The following TTLL4 variants were observed in gnomAD, a reference collection of about 807,000 sequenced individuals.
TTLL4 encodes the protein tubulin monoglutamylase TTLL4.
A neutral mutation model predicts 122.7 loss-of-function variants in TTLL4; 85 were observed. The ratio of observed to expected loss-of-function variants is 0.69; its 90% CI spans 0.58 to 0.83. The LOEUF (loss-of-function observed/expected upper bound fraction) is 0.83. Among genes scored for constraint, TTLL4 ranks in the 40% least tolerant of loss-of-function variants. The probability of loss-of-function intolerance (pLI) is 0.00; values close to 1 mark genes in which losing one functional copy is unlikely to be tolerated. For synonymous variants in TTLL4, 553 were observed against 563.0 expected (o/e 0.98, Z 0.25); for missense variants, 1,363 against 1,488.6 (o/e 0.92, Z 1.39).
At chr2:218,749,920 AGT>A in intron 14 of TTLL4, 87 bp from the exon 15 acceptor site, 1 of 1,513,672 alleles carries the variant, frequency 6.6e-7, no homozygotes, top group Non-Finnish European at 8.9e-7. Context: ...GAAGCCAGGA[AGT>A]AAATGAGACT....
At chr2:218,739,917 A>G in intron 3 of TTLL4, 141 bp from the exon 4 acceptor site, 3 of 699,678 alleles carry the variant, frequency 4.3e-6, no homozygotes, top group Admixed American at 2.8e-5. Flanking sequence ...GACAAAAGAA[A>G]TGAGTTGTGA....
At chr2:218,739,957 T>C (rs1183770335) in intron 3 of TTLL4, 101 bp from the exon 4 acceptor site, 6 of 1,086,586 alleles carry the variant, frequency 5.5e-6, no homozygotes, top group Admixed American at 4.3e-5. Flanking sequence ...AGATTGGTAA[T>C]GGAGAAGGGG....
intron 6 of TTLL4, 87 bp from the exon 7 acceptor site, chr2:218,745,604 G>T: frequency 1.1e-6 from 1 of 912,440 alleles, no homozygotes; most frequent in Non-Finnish European, 1.7e-6. Flanking sequence ...GGGAAGAATG[G>T]GCAGCCATGC....
Position 218,752,765 on chromosome 2 carries a change from C to T in TTLL4, c.2979C>T (p.Asp993=), listed in dbSNP as rs1216535782. Residue 993 remains aspartate (D), a splice_region_variant and synonymous_variant, in exon 17 of 20, where the codon GAC becomes GAT. Transcript: ENST00000392102. ...TCTCCCTGTTCCTTGGACCACAGGACTTCTATGCATCTGTGCTGGATGTCC... is the reference window on the plus strand; with the variant it reads ...TCTCCCTGTTCCTTGGACCACAGGATTTCTATGCATCTGTGCTGGATGTCC... ...YYLTQKIPDQ[D]FYASVLDVLT... 1.2e-6 allele frequency: 2 copies of T among 1,614,190 alleles called. No individual in the cohort carries two copies. The highest frequency in any genetic ancestry group is 3.3e-5 in the Admixed American group (2 of 60,024).
At chr2:218,711,764 A>C (rs1347284960) in intron 1 of TTLL4, among the ~76,000 whole-genome samples, 2 of 151,794 alleles carry the variant, frequency 1.3e-5, no homozygotes, top group Admixed American at 1.3e-4. Context: ...ACTTACTTAG[A>C]AAACGACATT....
intron 1 of TTLL4, among the ~76,000 whole-genome samples, chr2:218,724,320 A>G (rs554040727): frequency 2.4e-4 from 36 of 152,342 alleles, no homozygotes; most frequent in African/African-American, 5.5e-4. Context: ...ACACCAATCA[A>G]CTTCAACTTT....
chr2:218,712,915 G>A (rs913524995), intron 1 of TTLL4, among the ~76,000 whole-genome samples: 1 of 152,150 alleles, frequency 6.6e-6, no homozygotes, highest in Non-Finnish European at 1.5e-5. Context: ...AATCCCATTC[G>A]TGTAAACTGT....
Position 218,748,943 on chromosome 2 carries a change from C to G in TTLL4, c.2600+9C>G. ...GTCAAAACTATCATCTCGTGAGTCA[C>G]ATTGCCAACCTGGATGTGGGGCCTG... On this transcript the variant is annotated intron_variant, in intron 13 of 19. Coordinates refer to ENST00000392102, the MANE Select transcript of TTLL4 (RefSeq NM_014640.5). 1.2e-6 allele frequency: 2 copies of G among 1,613,730 alleles called. No individual in the cohort carries two copies. The highest frequency in any genetic ancestry group is 1.7e-6 in the Non-Finnish European group (2 of 1,179,720).
At chr2:218,750,541 T>TAA (rs5838708) in intron 15 of TTLL4, among the ~76,000 whole-genome samples, 1 of 146,968 alleles carries the variant, frequency 6.8e-6, no homozygotes, top group African/African-American at 2.5e-5. Context: ...ATGTTGTTTC[T>TAA]AAAAAAAAAA....
chr2:218,732,261 G>T (rs1340124148), intron 2 of TTLL4, among the ~76,000 whole-genome samples: 1 of 152,130 alleles, frequency 6.6e-6, no homozygotes, highest in African/African-American at 2.4e-5. Context: ...TTTTTGAAAT[G>T]GGCTTCCAGT....
chr2:218,738,430 T>G lies in TTLL4; in HGVS notation c.754T>G (p.Trp252Gly). ...VSPPKIQPVSWHHSGGTGDCA... is the reference protein window; with the variant it reads ...VSPPKIQPVSGHHSGGTGDCA... Reference sequence around the variant, plus strand: ...GCCACCCAAGATCCAGCCTGTCTCCTGGCATCATTCAGGGGGTACTGGAGA... The same window carrying G: ...GCCACCCAAGATCCAGCCTGTCTCCGGGCATCATTCAGGGGGTACTGGAGA... The change falls in exon 3 of 20, where the codon TGG becomes GGG. Residue 252 changes from tryptophan (W) to glycine (G), a missense_variant. Around this residue, in one of 3 missense-constraint regions of TTLL4, gnomAD observed 760 missense variants for 808.4 expected, o/e 0.94. Coordinates refer to ENST00000392102, the MANE Select transcript of TTLL4 (RefSeq NM_014640.5). 1 of 1,614,222 alleles carries G rather than the reference T, an allele frequency of 6.2e-7. No homozygotes were observed. The highest frequency in any genetic ancestry group is 1.1e-5 in the South Asian group (1 of 91,086).
chr2:218,739,896 T>C (rs1942649741), intron 3 of TTLL4, among the ~76,000 whole-genome samples, 162 bp from the exon 4 acceptor site: 1 of 152,238 alleles, frequency 6.6e-6, no homozygotes, highest in South Asian at 2.1e-4. Flanking sequence ...TGCCTAGACC[T>C]AAGCTTTGAA....
chr2:218,753,531 T>C, intron 18 of TTLL4, 53 bp from the exon 19 acceptor site: 2 of 1,572,030 alleles, frequency 1.3e-6, no homozygotes, highest in Non-Finnish European at 1.7e-6. Context: ...CCCCAAACAC[T>C]CCTGCCTTGC....
At chr2:218,758,459 T>C (rs1248612535), downstream of TTLL4, among the ~76,000 whole-genome samples, 2 of 152,142 alleles carry the variant, frequency 1.3e-5, no homozygotes, top group East Asian at 1.9e-4. Context: ...CCAGAACATA[T>C]AAAGTAAAAG....
chr2:218,720,300 G>T (rs1257333388), intron 1 of TTLL4, among the ~76,000 whole-genome samples: 1 of 152,148 alleles, frequency 6.6e-6, no homozygotes, highest in Admixed American at 6.6e-5. Context: ...ATTTTGGATT[G>T]GCCTCAGGAG....
rs751690802 is a variant in TTLL4 at position 218,747,743 on chromosome 2, G to C, written c.2378+18G>C. ...AGTTGCAAGTATGTGACAGTGGTGA[G>C]GTATCCTCTGACAATATTGGGGATT... is the stretch of plus-strand genomic sequence containing the variant. On this transcript the variant is annotated intron_variant, in intron 11 of 19. Coordinates refer to ENST00000392102, the MANE Select transcript of TTLL4 (RefSeq NM_014640.5). This position sits in a 1 kb window ranked among gnomAD's most constrained non-coding sequence, Gnocchi z 4.7. 140 of 1,613,934 alleles carry C rather than the reference G, an allele frequency of 8.7e-5. No individual in the cohort carries two copies. Among genetic ancestry groups the C allele is most frequent in the Non-Finnish European group, 8.4e-5 (99 of 1,179,952 alleles).
intron 2 of TTLL4, among the ~76,000 whole-genome samples, chr2:218,731,383 C>T (rs1284334848): frequency 4.0e-5 from 6 of 151,482 alleles, no homozygotes; most frequent in African/African-American, 1.5e-4. Context: ...TACACTCCAG[C>T]GTGGGCAACA....
chr2:218,728,989 A>G (rs1942276975), intron 2 of TTLL4, among the ~76,000 whole-genome samples: 1 of 146,488 alleles, frequency 6.8e-6, no homozygotes, highest in Non-Finnish European at 1.5e-5. Flanking sequence ...CTGGAATGCA[A>G]TGGCATGATC....
At chr2:218,751,160 G>A (rs970001200) in intron 15 of TTLL4, among the ~76,000 whole-genome samples, 3 of 49,716 alleles carry the variant, frequency 6.0e-5, no homozygotes, top group African/African-American at 2.0e-4. Flanking sequence ...GTAGACTCAT[G>A]TTTGGCTCTG....
Sources: gnomAD v4.1 joint callset for allele counts (sites outside exome capture counted in the v4.1 genomes callset) on GRCh38, gnomAD v4.1.1 for gene constraint, gnomAD v4.1.1 regional missense constraint, Gnocchi (gnomAD v3.1) non-coding constraint, MANE v1.5 for transcripts, NCBI Gene and HGNC (gene_info 2026-07-23, HGNC 2026-07-21) for gene names.